Variants in FAAP20 observed in about 807,000 individuals in gnomAD.
FAAP20 encodes the protein Fanconi anemia core complex-associated protein 20.
In FAAP20, 12 loss-of-function variants were observed where a neutral mutation model predicts 16.2. That is an observed-to-expected ratio of 0.74 (90% CI 0.48 to 1.20). FAAP20 has a LOEUF of 1.20. Among genes scored for constraint, FAAP20 ranks in the 50% most tolerant of loss-of-function variants. The pLI is 0.00. For synonymous variants in FAAP20, 141 were observed against 110.7 expected, an observed-to-expected ratio of 1.27 and a Z score of -1.72; for missense variants, 288 against 245.8, an observed-to-expected ratio of 1.17 and a Z score of -1.15.
downstream of FAAP20, chr1:2,189,485 G>C (rs902429820): frequency 2.9e-5 from 17 of 588,842 alleles, no homozygotes; most frequent in Admixed American, 4.7e-4. Flanking sequence ...GGCTGTGTCT[G>C]GTTCTGATTG....
At chr1:2,196,064 G>A (rs905422196), upstream of FAAP20, among the ~76,000 whole-genome samples, 3 of 152,200 alleles carry the variant, frequency 2.0e-5, no homozygotes, top group African/African-American at 7.2e-5. This position sits in a 1 kb window ranked among gnomAD's most constrained non-coding sequence, Gnocchi z 4.5. Context: ...GAGAAGCCCA[G>A]CCGTGGGGTC....
At chr1:2,199,732 G>T, upstream of FAAP20, 1 of 754,312 alleles carries the variant, frequency 1.3e-6, no homozygotes, top group Non-Finnish European at 1.6e-6. This position sits in a 1 kb window ranked among gnomAD's most constrained non-coding sequence, Gnocchi z 4.5. Flanking sequence ...AGGATGAGGC[G>T]ATACTGGGTT....
chr1:2,208,846 GA>G (rs1161336297), downstream of FAAP20, among the ~76,000 whole-genome samples: 2 of 152,070 alleles, frequency 1.3e-5, no homozygotes, highest in Admixed American at 6.5e-5. Context: ...AAAGTGTTCA[GA>G]AAAAAAATAG....
At chr1:2,196,733 G>C, upstream of FAAP20, among the ~76,000 whole-genome samples, 1 of 152,278 alleles carries the variant, frequency 6.6e-6, no homozygotes, top group Admixed American at 6.5e-5. The surrounding 1 kb of genome is among the most constrained non-coding windows in gnomAD (Gnocchi z 4.5). Context: ...CCAACTACTT[G>C]GGTGGCTGAG....
chr1:2,199,794 T>C lies in FAAP20; in HGVS notation n.114A>G. On this transcript the variant is annotated non_coding_transcript_exon_variant, in exon 1 of 4. Coordinates refer to the FAAP20 transcript ENST00000401813. The surrounding 1 kb of genome is among the most constrained non-coding windows in gnomAD (Gnocchi z 4.5). ...CAGTGTTCTTGTAAGAAAAGGAAAATTGTCCGGGTGCAGTGTCTCACGCCT... is the reference window on the plus strand; with the variant it reads ...CAGTGTTCTTGTAAGAAAAGGAAAACTGTCCGGGTGCAGTGTCTCACGCCT... 1 of 329,286 alleles carries C rather than the reference T, an allele frequency of 3.0e-6. No individual in the cohort carries two copies. The highest frequency in any genetic ancestry group is 2.2e-5 in the African/African-American group (1 of 44,760). 20.4% of individuals were successfully genotyped at this position (329,286 alleles called of 1,614,324 possible).
Position 2,194,050 on chromosome 1 carries a change from G to C in FAAP20, c.146C>G (p.Pro49Arg). Reference sequence around the variant, plus strand: ...CACCTCGTGATCCAGGATCAGCTCCGGGCTCACCGTGCGCAGTAGCTCGGC... The same window carrying C: ...CACCTCGTGATCCAGGATCAGCTCCCGGCTCACCGTGCGCAGTAGCTCGGC... The part of the protein sequence containing the change: ...LWAELLRTVS[P>R]ELILDHEVPS... Residue 49 changes from proline to arginine, a missense_variant, in exon 2 of 4, where the codon CCG becomes CGG. Physicochemically the swap from Pro to Arg is moderately radical, Grantham distance 103. Transcript: ENST00000378546. 1 of 1,612,670 alleles carries C rather than the reference G, an allele frequency of 6.2e-7. No homozygotes were observed. Among genetic ancestry groups the C allele is most frequent in the Non-Finnish European group, 8.5e-7 (1 of 1,179,956 alleles).
At chr1:2,198,248 G>A (rs1688901823), upstream of FAAP20, 2 of 1,121,042 alleles carry the variant, frequency 1.8e-6, no homozygotes, top group Non-Finnish European at 2.3e-6. Context: ...AGCTGTGGGA[G>A]TTTGCATCCC....
upstream of FAAP20, chr1:2,199,555 A>T (rs559999589): frequency 2.0e-6 from 2 of 985,992 alleles, no homozygotes; most frequent in South Asian, 9.4e-5. The surrounding 1 kb of genome is among the most constrained non-coding windows in gnomAD (Gnocchi z 4.5). Flanking sequence ...GGAGCCGGTC[A>T]GGGAGTGGAG....
upstream of FAAP20, among the ~76,000 whole-genome samples, chr1:2,195,073 C>G (rs954977526): frequency 1.2e-4 from 18 of 152,174 alleles, no homozygotes; most frequent in South Asian, 4.1e-4. Context: ...GCACTGCCTC[C>G]TCCCGGCTGC....
intron 1 of FAAP20, among the ~76,000 whole-genome samples, chr1:2,207,058 AAACAT>A (rs1479083906): frequency 6.6e-6 from 1 of 152,144 alleles, no homozygotes; most frequent in African/African-American, 2.4e-5. Flanking sequence ...ATTTGTGAAA[AAACAT>A]TGATTGGGCA....
chr1:2,187,353 G>A, downstream of FAAP20: 1 of 323,054 alleles, frequency 3.1e-6, no homozygotes, highest in East Asian at 9.7e-5. Context: ...AGCCCAGGCT[G>A]GAGTGCAGTG....
downstream of FAAP20, chr1:2,184,554 G>A: frequency 2.5e-6 from 4 of 1,586,952 alleles, no homozygotes; most frequent in Non-Finnish European, 3.5e-6. Context: ...CCCGCGCGGA[G>A]CTGACCCTTC....
upstream of FAAP20, chr1:2,200,548 C>G (rs1689009888): frequency 1.2e-6 from 1 of 849,870 alleles, no homozygotes; most frequent in East Asian, 1.2e-4. Flanking sequence ...TTAGGCGGAG[C>G]TCCACCCTCC....
chr1:2,194,786 G>GCC, upstream of FAAP20: 40 of 1,076,144 alleles, frequency 3.7e-5, no homozygotes, highest in East Asian at 1.1e-4. Context: ...CGCAAGCCCC[G>GCC]CCCCCGCCCC....
At chr1:2,211,435 A>ATTTTT (rs1164460550), downstream of FAAP20, among the ~76,000 whole-genome samples, 1 of 8,562 alleles carries the variant, frequency 1.2e-4, no homozygotes, top group Non-Finnish European at 1.6e-4. Context: ...ATATATATAT[A>ATTTTT]TTTTTTTTTT....
downstream of FAAP20, among the ~76,000 whole-genome samples, chr1:2,210,473 T>C (rs1440996223): frequency 6.6e-6 from 1 of 152,028 alleles, no homozygotes; most frequent in Non-Finnish European, 1.5e-5. Context: ...CACGCCTGCT[T>C]TGGGGAGGAG....
chr1:2,189,399 GA>G, downstream of FAAP20: 1 of 424,044 alleles, frequency 2.4e-6, no homozygotes, highest in Non-Finnish European at 4.3e-6. Context: ...ACAAAGTTAG[GA>G]AAACGAGCTA....
upstream of FAAP20, chr1:2,212,713 C>G (rs922999850): frequency 1.3e-5 from 4 of 301,352 alleles, no homozygotes; most frequent in Non-Finnish European, 2.6e-5. Context: ...AGCGAGGCAT[C>G]CATGTTCTCG....
At chr1:2,190,302 C>G (rs1171387663) in intron 3 of FAAP20, 1 of 456,402 alleles carries the variant, frequency 2.2e-6, no homozygotes, top group Non-Finnish European at 4.4e-6. Flanking sequence ...GGCGTGCAGG[C>G]TGCCAACCTG....
Sources: gnomAD v4.1 joint callset for allele counts (sites outside exome capture counted in the v4.1 genomes callset) on GRCh38, gnomAD v4.1.1 for gene constraint, Gnocchi (gnomAD v3.1) non-coding constraint, MANE v1.5 for transcripts, NCBI Gene and HGNC (gene_info 2026-07-23, HGNC 2026-07-21) for gene names.